ADIPOR1: variants seen among roughly 807,000 people sequenced by gnomAD.
ADIPOR1 encodes the protein adiponectin receptor protein 1.
A neutral mutation model predicts 37.5 loss-of-function variants in ADIPOR1; 15 were observed. The observed-to-expected ratio is 0.40, with a 90% CI of 0.27 to 0.62. The LOEUF is 0.62. Among genes scored for constraint, ADIPOR1 ranks in the 20% least tolerant of loss-of-function variants. ADIPOR1 has a pLI of 0.42. For synonymous variants in ADIPOR1, 173 were observed against 173.2 expected (o/e 1.00, Z 0.01); for missense variants, 286 against 478.0 (o/e 0.60, Z 3.75).
upstream of ADIPOR1, chr1:202,958,313 C>G (rs1049089061): frequency 3.3e-5 from 5 of 152,300 alleles, no homozygotes; most frequent in Non-Finnish European, 7.3e-5. Flanking sequence ...CGCGCGACCT[C>G]CCGCGTCACC....
chr1:202,942,235 T>A lies in ADIPOR1; in HGVS notation c.806-17A>T. 2 of 1,580,900 alleles carry A rather than the reference T, an allele frequency of 1.3e-6. No individual in the cohort carries two copies. Among genetic ancestry groups the A allele is most frequent in the East Asian group, 4.5e-5 (2 of 44,166 alleles). On this transcript the variant is annotated splice_polypyrimidine_tract_variant and intron_variant, in intron 6 of 7. Transcript: ENST00000340990. ...GGAACACGCCTGAACAGAACAGACA[T>A]AAGACTGTCAAACAAGGAAACAGCC...
intron 1 of ADIPOR1, among the ~76,000 whole-genome samples, chr1:202,952,756 T>A (rs1654629018): frequency 6.6e-6 from 1 of 152,222 alleles, no homozygotes; most frequent in Non-Finnish European, 1.5e-5. Context: ...TTAGCCTCCA[T>A]AATCTCATGA....
At chr1:202,941,750 A>G in intron 7 of ADIPOR1, 49 bp from the exon 8 acceptor site, 4 of 1,573,656 alleles carry the variant, frequency 2.5e-6, no homozygotes, top group Non-Finnish European at 3.4e-6. Flanking sequence ...AAGGAGGAAT[A>G]AGAAACAAGT....
Position 202,945,074 on chromosome 1 carries a change from A to G in ADIPOR1, c.526T>C (p.Phe176Leu). ...AGGCAGAGCACTGCACCCAAAAAGA[A>G]CATCCCAAAAACCACCTTCTCCTGT... is the stretch of plus-strand genomic sequence containing the variant. ...PLQEKVVFGM[F>L]FLGAVLCLSF... The change falls in exon 5 of 8, where the codon TTC (phenylalanine) becomes CTC (leucine). Residue 176 changes from phenylalanine (F) to leucine (L), a missense_variant. Phe to Leu is a conservative substitution (Grantham distance 22, BLOSUM62 0). Transcript: ENST00000340990. The G allele has an allele frequency of 1.2e-6, 2 of 1,614,178 alleles. No homozygotes were observed. The highest frequency in any genetic ancestry group is 1.7e-6 in the Non-Finnish European group (2 of 1,180,016).
At chr1:202,951,266 T>G in intron 1 of ADIPOR1, 102 bp from the exon 2 acceptor site, 1 of 595,372 alleles carries the variant, frequency 1.7e-6, no homozygotes, top group South Asian at 2.6e-5. Context: ...TCATATCCTG[T>G]CCCCAATTCT....
chr1:202,951,189 G>A, intron 1 of ADIPOR1, 25 bp from the exon 2 acceptor site: 1 of 1,181,746 alleles, frequency 8.5e-7, no homozygotes, highest in Non-Finnish European at 1.2e-6. Context: ...AAACATGAAG[G>A]ATTGACAATT....
Position 202,941,590 on chromosome 1 carries a change from C to T in ADIPOR1, c.1111G>A (p.Asp371Asn). 2 of 1,613,410 alleles carry T rather than the reference C, an allele frequency of 1.2e-6. No homozygotes were observed. The highest frequency in any genetic ancestry group is 1.7e-6 in the Non-Finnish European group (2 of 1,179,790). Residue 371 changes from aspartate to asparagine, a missense_variant, in exon 8 of 8, where the codon GAT becomes AAT. Physicochemically the swap from Asp to Asn is conservative, Grantham distance 23. Transcript: ENST00000340990. The stretch of plus-strand genomic sequence containing the variant: ...GGGAAGGCTCAGAGAAGGGTGTCAT[C>T]AGTACAGCCGCCTTCTAGGCCGTAA... ...FRYGLEGGCT[D>N]DTLL
intron 2 of ADIPOR1, among the ~76,000 whole-genome samples, chr1:202,949,625 A>G (rs1188425694): frequency 6.6e-6 from 1 of 150,814 alleles, no homozygotes; most frequent in Admixed American, 6.6e-5. Context: ...TTGCCTGTGA[A>G]AGGGAGAGAA....
Position 202,951,183 on chromosome 1 carries a change from A to C in ADIPOR1, c.-94-19T>G. 3 of 1,223,396 alleles carry C rather than the reference A, an allele frequency of 2.5e-6. No homozygotes were observed. Among genetic ancestry groups the C allele is most frequent in the Non-Finnish European group, 3.5e-6 (3 of 868,210 alleles). The allele number at this position is 1,223,396 out of a possible 1,614,324, so 75.8% of individuals were successfully genotyped here. A position where few individuals can be genotyped will look rare whatever the true frequency, so the allele number is the denominator to read the frequency against. On this transcript the variant is annotated intron_variant, in intron 1 of 7. Coordinates refer to ENST00000340990, the MANE Select transcript of ADIPOR1 (RefSeq NM_015999.6). ...GTAGACACTAAAAGAAAATACAAAC[A>C]TGAAGGATTGACAATTTATTCCTCT...
intron 1 of ADIPOR1, among the ~76,000 whole-genome samples, chr1:202,951,413 G>A (rs1222341885): frequency 1.3e-5 from 2 of 151,976 alleles, no homozygotes; most frequent in Non-Finnish European, 2.9e-5. Flanking sequence ...ATGATCTATG[G>A]TTACTGCACC....
chr1:202,949,358 A>T (rs1571565697), intron 2 of ADIPOR1, among the ~76,000 whole-genome samples: 1 of 151,320 alleles, frequency 6.6e-6, no homozygotes, highest in African/African-American at 2.4e-5. Context: ...AGGCGGGCGG[A>T]TCACGAGGTC....
intron 2 of ADIPOR1, among the ~76,000 whole-genome samples, chr1:202,948,965 AT>A (rs1484691493): frequency 6.6e-6 from 1 of 151,526 alleles, no homozygotes; most frequent in Non-Finnish European, 1.5e-5. Flanking sequence ...TAATTTTTGT[AT>A]TTTTAGTAGA....
rs1315732235 is a variant in ADIPOR1, at chr1:202,941,208, T to A, written c.*365A>T. Reference sequence around the variant, plus strand: ...TAAGGATGGGGGTAAGGGAGGGACATTTTCTTCCAGAAGAAAAGACAGAAT... The same window carrying A: ...TAAGGATGGGGGTAAGGGAGGGACAATTTCTTCCAGAAGAAAAGACAGAAT... On this transcript the variant is annotated 3_prime_UTR_variant, in exon 8 of 8. Coordinates refer to ENST00000340990, the MANE Select transcript of ADIPOR1 (RefSeq NM_015999.6). 6.2e-6 allele frequency: 1 copy of A among 162,346 alleles called. No homozygotes were observed. Among genetic ancestry groups the A allele is most frequent in the African/African-American group, 2.4e-5 (1 of 41,762 alleles). 10.1% of individuals were successfully genotyped at this position (162,346 alleles called of 1,614,324 possible).
intron 1 of ADIPOR1, among the ~76,000 whole-genome samples, chr1:202,955,415 A>G (rs756189609): frequency 2.7e-4 from 41 of 152,058 alleles, no homozygotes; most frequent in Non-Finnish European, 4.9e-4. Flanking sequence ...TTGTAGAGAC[A>G]AGGTCTCACT....
At chr1:202,949,106 C>A (rs1056675010) in intron 2 of ADIPOR1, among the ~76,000 whole-genome samples, 3 of 151,408 alleles carry the variant, frequency 2.0e-5, no homozygotes, top group Non-Finnish European at 4.4e-5. Context: ...TTCAAAACAA[C>A]GAAAAAGACA....
intron 4 of ADIPOR1, among the ~76,000 whole-genome samples, chr1:202,946,074 C>T (rs1355282543): frequency 2.0e-5 from 3 of 149,150 alleles, no homozygotes; most frequent in African/African-American, 7.5e-5. Flanking sequence ...AATTGCAGTC[C>T]AATGTTTCAA....
chr1:202,947,669 G>T (rs1328332265), intron 3 of ADIPOR1, among the ~76,000 whole-genome samples: 1 of 152,136 alleles, frequency 6.6e-6, no homozygotes, highest in South Asian at 2.1e-4. Flanking sequence ...TCTATCTCAT[G>T]TCTCATCCCT....
intron 3 of ADIPOR1, among the ~76,000 whole-genome samples, chr1:202,947,858 G>A (rs1253458453): frequency 6.6e-6 from 1 of 152,140 alleles, no homozygotes; most frequent in East Asian, 1.9e-4. Flanking sequence ...CACAGTATTA[G>A]TAGAACTTGT....
chr1:202,944,711 T>G (rs899740452), intron 5 of ADIPOR1: 12 of 243,842 alleles, frequency 4.9e-5, no homozygotes, highest in Non-Finnish European at 7.9e-5. Flanking sequence ...GCACTGGCAC[T>G]CTAAGCCTCA....
Sources: gnomAD v4.1 joint callset for allele counts (sites outside exome capture counted in the v4.1 genomes callset) on GRCh38, gnomAD v4.1.1 for gene constraint, MANE v1.5 for transcripts, NCBI Gene and HGNC (gene_info 2026-07-23, HGNC 2026-07-21) for gene names.